Variants in CDYL2 observed in about 807,000 individuals in gnomAD.
CDYL2 encodes the protein chromodomain Y-like protein 2.
In CDYL2, 23 loss-of-function variants were observed where a neutral mutation model predicts 49.4. That is an observed-to-expected ratio of 0.47 (90% CI 0.34 to 0.66). The LOEUF (loss-of-function observed/expected upper bound fraction) is 0.66. CDYL2 is among the 30% of genes least tolerant of loss of function. CDYL2 has a pLI of 0.01. For missense variants in CDYL2, 678 were observed against 656.4 expected, an observed-to-expected ratio of 1.03 and a Z score of -0.36; for synonymous variants, 360 against 268.8, an observed-to-expected ratio of 1.34 and a Z score of -3.32.
At chr16:80,637,659 T>TA (rs201234973) in intron 2 of CDYL2, among the ~76,000 whole-genome samples, 2,973 of 136,264 alleles carry the variant, frequency 0.022, 118 homozygotes, top group African/African-American at 0.097. Flanking sequence ...TGATGTTTTT[T>TA]AAAAAAATAC....
intron 1 of CDYL2, among the ~76,000 whole-genome samples, chr16:80,743,711 A>T (rs757645985): frequency 6.6e-6 from 1 of 151,958 alleles, no homozygotes; most frequent in South Asian, 2.1e-4. Context: ...TGCCCCTTTC[A>T]TCTCAGTCCA....
intron 1 of CDYL2, among the ~76,000 whole-genome samples, chr16:80,728,531 T>C (rs1003647728): frequency 2.0e-4 from 30 of 152,156 alleles, no homozygotes; most frequent in African/African-American, 7.0e-4. Flanking sequence ...CTGCAGGATA[T>C]CATCCAGGAG....
chr16:80,649,321 T>C (rs1029113306), intron 2 of CDYL2, among the ~76,000 whole-genome samples: 2 of 152,070 alleles, frequency 1.3e-5, no homozygotes, highest in Admixed American at 1.3e-4. Context: ...CAAAAATCAA[T>C]AGCATTTCTA....
In CDYL2 at chr16:80,707,965, T is replaced by C. The variant is rs574220936; in HGVS notation, c.25-22836A>G. Among the ~76,000 whole-genome samples the C allele has an allele frequency of 7.2e-5, 11 of 152,162 alleles. No homozygotes were observed. In the South Asian group the frequency reaches 1.5e-3, roughly 20 times the overall value. ...GTTACTAAGGGTAGATCACCTTAAG[T>C]TTATCCAGAAAGAAAGGCAGGATGC... On this transcript the variant is annotated intron_variant, in intron 1 of 6. Coordinates refer to ENST00000570137, the MANE Select transcript of CDYL2 (RefSeq NM_152342.4).
intron 2 of CDYL2, among the ~76,000 whole-genome samples, chr16:80,680,848 C>CA (rs1343414415): frequency 6.6e-6 from 1 of 152,130 alleles, no homozygotes; most frequent in East Asian, 1.9e-4. Flanking sequence ...CCCACCCCTC[C>CA]AGCCCCCTGA....
intron 1 of CDYL2, among the ~76,000 whole-genome samples, chr16:80,725,129 C>G (rs1905123082): frequency 6.6e-6 from 1 of 152,038 alleles, no homozygotes; most frequent in African/African-American, 2.4e-5. Context: ...GCATTGTTCC[C>G]TTTCACTGGA....
At chr16:80,661,497 T>C (rs1400193173) in intron 2 of CDYL2, among the ~76,000 whole-genome samples, 1 of 152,148 alleles carries the variant, frequency 6.6e-6, no homozygotes, top group East Asian at 1.9e-4. Context: ...AGGACACTGT[T>C]TACATCCCCA....
intron 2 of CDYL2, among the ~76,000 whole-genome samples, chr16:80,672,348 CACACAG>C (rs1483902252): frequency 3.5e-5 from 3 of 85,094 alleles, no homozygotes; most frequent in African/African-American, 6.1e-5. Flanking sequence ...CACACACACA[CACACAG>C]AGAGAGAGAG....
intron 1 of CDYL2, among the ~76,000 whole-genome samples, chr16:80,790,586 C>T (rs540537020): frequency 2.0e-4 from 31 of 152,300 alleles, no homozygotes; most frequent in Non-Finnish European, 3.8e-4. Context: ...TACAGACAAG[C>T]AAATTAGCAA....
chr16:80,725,107 G>C (rs923617623), intron 1 of CDYL2, among the ~76,000 whole-genome samples: 4 of 152,006 alleles, frequency 2.6e-5, no homozygotes, highest in African/African-American at 7.3e-5. Context: ...TCCCACCACA[G>C]AGCCTTGGTG....
chr16:80,776,256 A>T (rs1176750364), intron 1 of CDYL2, among the ~76,000 whole-genome samples: 1 of 152,156 alleles, frequency 6.6e-6, no homozygotes, highest in Admixed American at 6.5e-5. Flanking sequence ...TAAGCACTCA[A>T]TTCAACTAGC....
At chr16:80,698,739 C>T (rs1904286899) in intron 1 of CDYL2, among the ~76,000 whole-genome samples, 2 of 152,098 alleles carry the variant, frequency 1.3e-5, no homozygotes. Flanking sequence ...TCTTCTTCCC[C>T]TTCACCTTCT....
chr16:80,773,695 A>T (rs1358477912), intron 1 of CDYL2, among the ~76,000 whole-genome samples: 1 of 152,182 alleles, frequency 6.6e-6, no homozygotes, highest in African/African-American at 2.4e-5. Context: ...ACGTCGAAAC[A>T]AAAATGGAAA....
intron 1 of CDYL2, among the ~76,000 whole-genome samples, chr16:80,693,951 C>G (rs1377570984): frequency 2.0e-5 from 3 of 152,196 alleles, no homozygotes; most frequent in Non-Finnish European, 4.4e-5. Flanking sequence ...GGAAAAGGAG[C>G]TGACCCAAGT....
At chr16:80,755,884 T>G (rs977391960) in intron 1 of CDYL2, among the ~76,000 whole-genome samples, 2 of 152,198 alleles carry the variant, frequency 1.3e-5, no homozygotes, top group African/African-American at 4.8e-5. Context: ...ACTCTGTACT[T>G]TCTGCTGAAT....
At chr16:80,657,403 A>G (rs563119001) in intron 2 of CDYL2, among the ~76,000 whole-genome samples, 2 of 152,350 alleles carry the variant, frequency 1.3e-5, no homozygotes, top group South Asian at 2.1e-4. Context: ...AATATCCCCA[A>G]TTGTAAAGAA....
At chr16:80,732,779 C>T (rs1344785514) in intron 1 of CDYL2, among the ~76,000 whole-genome samples, 2 of 152,158 alleles carry the variant, frequency 1.3e-5, no homozygotes, top group African/African-American at 4.8e-5. Context: ...TAAGAATTTC[C>T]TTTTATTCCA....
chr16:80,607,243 C>A (rs1166128567), intron 6 of CDYL2, among the ~76,000 whole-genome samples: 2 of 151,362 alleles, frequency 1.3e-5, no homozygotes, highest in African/African-American at 4.9e-5. Flanking sequence ...GACTTAAACA[C>A]AGTAGGTGCC....
intron 6 of CDYL2, among the ~76,000 whole-genome samples, chr16:80,605,348 A>G (rs79570558): frequency 0.05 from 7,387 of 148,224 alleles, 585 homozygotes; most frequent in African/African-American, 0.17. Context: ...TATAATATAT[A>G]CATATTATAT....
Sources: gnomAD v4.1 joint callset for allele counts (sites outside exome capture counted in the v4.1 genomes callset) on GRCh38, gnomAD v4.1.1 for gene constraint, MANE v1.5 for transcripts, NCBI Gene and HGNC (gene_info 2026-07-23, HGNC 2026-07-21) for gene names.